PPARGC1A: variants seen among roughly 807,000 people sequenced by gnomAD.
The protein encoded by PPARGC1A is PPARG coactivator 1 alpha, also known as peroxisome proliferator-activated receptor gamma coactivator 1-alpha.
Under a neutral mutation model 88.7 loss-of-function variants are expected in PPARGC1A, and 25 were observed. The observed-to-expected ratio is 0.28, with a 90% CI of 0.21 to 0.39. The LOEUF (loss-of-function observed/expected upper bound fraction) is 0.39. Among genes scored for constraint, PPARGC1A ranks in the 10% least tolerant of loss-of-function variants. PPARGC1A has a pLI of 1.00. For synonymous variants in PPARGC1A, 363 were observed against 355.6 expected (o/e 1.02, Z -0.24); for missense variants, 880 against 968.7 (o/e 0.91, Z 1.22).
rs755753991 is a variant in PPARGC1A, at chr4:23,813,988, T to C, written c.1495A>G (p.Met499Val). The C allele has an allele frequency of 1.9e-6, 3 of 1,614,074 alleles. No homozygotes were observed. In the East Asian group the frequency reaches 6.7e-5, roughly 36 times the overall value. ...ATGGCTAGTCCTGAATTTATAAACA[T>C]AGGTAGTTTGGAGAATTGTTCATTA... ...FSNEQFSKLPMFINSGLAMDG... is the reference protein window; with the variant it reads ...FSNEQFSKLPVFINSGLAMDG... The change falls in exon 8 of 13, where the codon ATG becomes GTG. Residue 499 changes from methionine (M) to valine (V), a missense_variant. Coordinates refer to ENST00000264867, the MANE Select transcript of PPARGC1A (RefSeq NM_013261.5).
At chr4:24,275,034 C>A in the PPARGC1A span, among the ~76,000 whole-genome samples, 25 of 152,208 alleles carry the variant, frequency 1.6e-4, no homozygotes, top group Admixed American at 6.5e-4. Flanking sequence ...AACATCTATT[C>A]AGAGGATAGT....
the PPARGC1A span, among the ~76,000 whole-genome samples, chr4:23,910,265 AATATATATTAACCCTATATATTATT>A: frequency 1.9e-5 from 2 of 102,576 alleles, no homozygotes; most frequent in South Asian, 2.4e-4. Flanking sequence ...TATATATATT[AATATATATTAACCCTATATATTATT>A]ATATATATTA....
chr4:24,043,205 G>C, the PPARGC1A span, among the ~76,000 whole-genome samples: 1 of 152,118 alleles, frequency 6.6e-6, no homozygotes, highest in Non-Finnish European at 1.5e-5. Context: ...CCAAAGAAGG[G>C]TTCCCTCCTT....
the PPARGC1A span, among the ~76,000 whole-genome samples, chr4:24,346,839 C>G: frequency 6.6e-6 from 1 of 152,064 alleles, no homozygotes; most frequent in Non-Finnish European, 1.5e-5. Flanking sequence ...TCTTGTTTCT[C>G]TAGTTCCTTG....
chr4:24,430,646 C>G, the PPARGC1A span, among the ~76,000 whole-genome samples: 5 of 152,042 alleles, frequency 3.3e-5, no homozygotes, highest in Non-Finnish European at 7.4e-5. Flanking sequence ...CACAGGGAGG[C>G]AAGCAGGGTG....
At chr4:23,939,833 T>C in the PPARGC1A span, among the ~76,000 whole-genome samples, 4 of 152,170 alleles carry the variant, frequency 2.6e-5, no homozygotes, top group Admixed American at 6.6e-5. Context: ...CCCAAGGACA[T>C]AACCAGTAAG....
the PPARGC1A span, among the ~76,000 whole-genome samples, chr4:24,001,872 G>A: frequency 5.3e-5 from 8 of 152,150 alleles, no homozygotes; most frequent in East Asian, 1.9e-4. Context: ...CGAAACAGAC[G>A]TTCTTCAAGT....
At chr4:24,238,783 G>GTGTGTC in the PPARGC1A span, among the ~76,000 whole-genome samples, 1 of 150,310 alleles carries the variant, frequency 6.7e-6, no homozygotes, top group African/African-American at 2.5e-5. Flanking sequence ...GTGTGTGTGT[G>GTGTGTC]TGTGTGTGTG....
the PPARGC1A span, among the ~76,000 whole-genome samples, chr4:24,448,917 G>T: frequency 2.0e-5 from 3 of 152,334 alleles, no homozygotes; most frequent in East Asian, 5.8e-4. Context: ...CCTCATAGTT[G>T]TTGGTGCCTA....
chr4:24,282,362 A>C, the PPARGC1A span, among the ~76,000 whole-genome samples: 2 of 152,186 alleles, frequency 1.3e-5, no homozygotes, highest in Admixed American at 6.5e-5. Flanking sequence ...TCTGCACACA[A>C]AGAAACTTGT....
At chr4:23,971,313 T>C in the PPARGC1A span, among the ~76,000 whole-genome samples, 3 of 152,176 alleles carry the variant, frequency 2.0e-5, no homozygotes, top group South Asian at 2.1e-4. Flanking sequence ...AGTTGAGGCA[T>C]AGTGTGTTGA....
chr4:24,085,760 G>A, the PPARGC1A span, among the ~76,000 whole-genome samples: 1 of 152,172 alleles, frequency 6.6e-6, no homozygotes, highest in African/African-American at 2.4e-5. Flanking sequence ...TGGCTCAGAT[G>A]CCATCTACTC....
At chr4:23,934,688 A>G in the PPARGC1A span, among the ~76,000 whole-genome samples, 1 of 152,150 alleles carries the variant, frequency 6.6e-6, no homozygotes, top group Non-Finnish European at 1.5e-5. Flanking sequence ...TTACATTTGC[A>G]AAAAACCCAG....
the PPARGC1A span, among the ~76,000 whole-genome samples, chr4:24,137,313 G>A: frequency 1.3e-5 from 2 of 152,092 alleles, no homozygotes; most frequent in Non-Finnish European, 2.9e-5. Flanking sequence ...CCAACACCTT[G>A]ATCTTGGACC....
chr4:24,211,676 G>A, the PPARGC1A span, among the ~76,000 whole-genome samples: 7 of 152,206 alleles, frequency 4.6e-5, no homozygotes, highest in East Asian at 1.4e-3. Context: ...ACTTATAAAC[G>A]TAGGTCCCTT....
chr4:24,072,000 G>A, the PPARGC1A span, among the ~76,000 whole-genome samples: 1 of 151,704 alleles, frequency 6.6e-6, no homozygotes, highest in South Asian at 2.1e-4. Flanking sequence ...ATTATGGCCT[G>A]AAAAATAGGA....
chr4:24,385,960 T>C, the PPARGC1A span, among the ~76,000 whole-genome samples: 1 of 152,152 alleles, frequency 6.6e-6, no homozygotes, highest in Non-Finnish European at 1.5e-5. Context: ...TTCAGGCCAA[T>C]ACCCCTGATG....
At chr4:24,121,187 T>C in the PPARGC1A span, among the ~76,000 whole-genome samples, 4 of 152,308 alleles carry the variant, frequency 2.6e-5, no homozygotes, top group South Asian at 8.3e-4. Context: ...GGCCAGAGCT[T>C]ACAGTCCAGT....
At chr4:24,286,876 G>T in the PPARGC1A span, among the ~76,000 whole-genome samples, 2 of 152,070 alleles carry the variant, frequency 1.3e-5, no homozygotes, top group South Asian at 4.1e-4. Context: ...TCAAGGTTGA[G>T]CTGGGGCAGG....
Sources: allele counts gnomAD v4.1 joint callset (sites outside exome capture counted in the v4.1 genomes callset), GRCh38; gene constraint gnomAD v4.1.1; transcripts MANE v1.5; gene names NCBI Gene and HGNC (gene_info 2026-07-23, HGNC 2026-07-21).